TRAPPC8: variants seen among roughly 807,000 people sequenced by gnomAD.
TRAPPC8 encodes the protein trafficking protein particle complex subunit 8.
In TRAPPC8, 54 loss-of-function variants were observed where a neutral mutation model predicts 174.3. That is an observed-to-expected ratio of 0.31 (90% CI 0.25 to 0.39). The LOEUF (loss-of-function observed/expected upper bound fraction) is 0.39, where lower values mean the gene tolerates loss of function less well. Ranked by LOEUF, TRAPPC8 falls within the 10% of genes least tolerant of loss-of-function variation. The probability of loss-of-function intolerance (pLI) is 1.00; values close to 1 mark genes in which losing one functional copy is unlikely to be tolerated. For missense variants in TRAPPC8, 1,531 were observed against 1,699.1 expected (o/e 0.90, Z 1.74); for synonymous variants, 630 against 579.9 (o/e 1.09, Z -1.24).
At chr18:31,863,794 T>G (rs895322430) in intron 19 of TRAPPC8, among the ~76,000 whole-genome samples, 1 of 152,042 alleles carries the variant, frequency 6.6e-6, no homozygotes, top group Non-Finnish European at 1.5e-5. Context: ...GGTATAAGCC[T>G]GATCCAAAGT....
chr18:31,928,322 C>T (rs989005643), intron 2 of TRAPPC8, among the ~76,000 whole-genome samples: 5 of 146,612 alleles, frequency 3.4e-5, no homozygotes, highest in African/African-American at 1.3e-4. Flanking sequence ...ATAAACACAG[C>T]GAGACCTTAT....
In TRAPPC8 at chr18:31,890,921, G is replaced by C. The variant is rs894003437; in HGVS notation, c.1597-55C>G. ...AGTTTCACCAAGTTAAAAGTAAATA[G>C]ATAACTAGTGAAAAAAACATTTAAT... On this transcript the variant is annotated intron_variant, in intron 11 of 28. Transcript: ENST00000283351. 3.3e-6 allele frequency: 5 copies of C among 1,505,744 alleles called. No individual in the cohort carries two copies. In the African/African-American group the frequency reaches 7.1e-5, roughly 21 times the overall value. 93.3% of individuals were successfully genotyped at this position (1,505,744 alleles called of 1,614,324 possible).
At chr18:31,839,761 C>A (rs894805137) in intron 26 of TRAPPC8, among the ~76,000 whole-genome samples, 2 of 152,078 alleles carry the variant, frequency 1.3e-5, no homozygotes, top group African/African-American at 2.4e-5. Context: ...TAATTAATTT[C>A]TTCATATGTA....
At chr18:31,917,758 T>TA (rs142490752) in intron 2 of TRAPPC8, 91 bp from the exon 3 acceptor site, 1,766 of 1,036,006 alleles carry the variant, frequency 1.7e-3, no homozygotes, top group Middle Eastern at 1.9e-3. Flanking sequence ...CTAAAAGGTA[T>TA]AAAAAAAAAA....
chr18:31,872,489 C>T (rs561676654), intron 14 of TRAPPC8, among the ~76,000 whole-genome samples: 2 of 152,028 alleles, frequency 1.3e-5, no homozygotes, highest in South Asian at 4.2e-4. Context: ...GGCGAGATCT[C>T]GGCTACTGCA....
At chr18:31,880,049 G>A (rs2035341971) in intron 12 of TRAPPC8, among the ~76,000 whole-genome samples, 1 of 109,862 alleles carries the variant, frequency 9.1e-6, no homozygotes. Flanking sequence ...TATGCACAAA[G>A]AAGAGCTGGT....
chr18:31,868,828 A>AG (rs2145183888), intron 16 of TRAPPC8, among the ~76,000 whole-genome samples: 1 of 152,130 alleles, frequency 6.6e-6, no homozygotes, highest in African/African-American at 2.4e-5. Flanking sequence ...TCAGCCTCCC[A>AG]GGTAGCTGGG....
At chr18:31,923,547 G>A (rs1167652484) in intron 2 of TRAPPC8, among the ~76,000 whole-genome samples, 2 of 152,172 alleles carry the variant, frequency 1.3e-5, no homozygotes, top group African/African-American at 2.4e-5. Context: ...AAAATTAGAA[G>A]CATACATCTG....
chr18:31,942,507 A>C, intron 1 of TRAPPC8, 101 bp downstream of exon 1: 1 of 1,366,644 alleles, frequency 7.3e-7, no homozygotes, highest in Non-Finnish European at 9.6e-7. Context: ...TACCGGCTCC[A>C]GGACGTAAAC....
intron 11 of TRAPPC8, among the ~76,000 whole-genome samples, chr18:31,896,756 T>C (rs1336503437): frequency 6.6e-6 from 1 of 152,264 alleles, no homozygotes; most frequent in East Asian, 1.9e-4. Flanking sequence ...CCTGAGTAGC[T>C]GAGATTACAG....
intron 16 of TRAPPC8, among the ~76,000 whole-genome samples, chr18:31,867,865 C>A (rs1238990874): frequency 6.6e-6 from 1 of 151,902 alleles, no homozygotes; most frequent in Admixed American, 6.6e-5. Context: ...GGTGACAGAG[C>A]GAGACTCTGT....
At chr18:31,897,913 G>A in intron 10 of TRAPPC8, 22 bp from the exon 11 acceptor site, 1 of 1,590,830 alleles carries the variant, frequency 6.3e-7, no homozygotes, top group East Asian at 2.2e-5. Context: ...AGGACAAGAA[G>A]ATAAAATAGC....
chr18:31,942,654 G>A lies in TRAPPC8; in HGVS notation c.111C>T (p.Leu37=). Reference sequence around the variant, plus strand: ...AGGGCTTAAGCAGCTCCGCGAAGCTGAGGTGATTGAGACGAGTGAGCCGCT... The same window carrying A: ...AGGGCTTAAGCAGCTCCGCGAAGCTAAGGTGATTGAGACGAGTGAGCCGCT... ...EAERLTRLNH[L]SFAELLKPFS... is the part of the protein sequence containing the mutation. Residue 37 remains leucine (L), a synonymous_variant, in exon 1 of 29, where the codon CTC becomes CTT. Coordinates refer to ENST00000283351, the MANE Select transcript of TRAPPC8 (RefSeq NM_014939.5). The A allele has an allele frequency of 2.5e-6, 4 of 1,611,526 alleles. No homozygotes were observed. Among genetic ancestry groups the A allele is most frequent in the Non-Finnish European group, 3.4e-6 (4 of 1,178,898 alleles).
intron 1 of TRAPPC8, among the ~76,000 whole-genome samples, chr18:31,934,295 C>T (rs1448747748): frequency 2.0e-5 from 3 of 151,542 alleles, no homozygotes. Flanking sequence ...GGAAGTCTGT[C>T]CTATAACGTT....
chr18:31,878,675 G>C (rs914182233), intron 12 of TRAPPC8, among the ~76,000 whole-genome samples: 6 of 152,008 alleles, frequency 3.9e-5, no homozygotes, highest in Admixed American at 3.3e-4. Context: ...AACAAAAATA[G>C]CTTAATTGTT....
intron 3 of TRAPPC8, 122 bp downstream of exon 3, chr18:31,917,456 A>G (rs1258906621): frequency 6.0e-6 from 5 of 827,472 alleles, no homozygotes; most frequent in South Asian, 3.8e-5. Context: ...TGTATTGTCA[A>G]TCTATAAAAA....
intron 19 of TRAPPC8, among the ~76,000 whole-genome samples, chr18:31,864,029 T>C (rs1185448773): frequency 6.8e-6 from 1 of 148,054 alleles, no homozygotes; most frequent in Admixed American, 6.8e-5. Flanking sequence ...TTATAATATG[T>C]TCTATAAAAT....
At chr18:31,848,839 G>A (rs1039807866) in intron 25 of TRAPPC8, among the ~76,000 whole-genome samples, 30 of 152,196 alleles carry the variant, frequency 2.0e-4, no homozygotes, top group African/African-American at 6.7e-4. Context: ...AGGGTGTAAC[G>A]TAAGAATTAA....
chr18:31,864,580 G>A, intron 19 of TRAPPC8, 47 bp downstream of exon 19: 1 of 1,560,262 alleles, frequency 6.4e-7, no homozygotes, highest in Non-Finnish European at 8.7e-7. Flanking sequence ...CAGAATATTT[G>A]CTCATATAGA....
Sources: allele counts gnomAD v4.1 joint callset (sites outside exome capture counted in the v4.1 genomes callset), GRCh38; gene constraint gnomAD v4.1.1; transcripts MANE v1.5; gene names NCBI Gene and HGNC (gene_info 2026-07-23, HGNC 2026-07-21).